TMEM232: variants seen among roughly 807,000 people sequenced by gnomAD.
The protein encoded by TMEM232 is transmembrane protein 232.
A neutral mutation model predicts 78.8 loss-of-function variants in TMEM232; 80 were observed. The ratio of observed to expected loss-of-function variants is 1.01; its 90% CI spans 0.85 to 1.22. The LOEUF is 1.22. Ranked by LOEUF, TMEM232 falls within the 50% of genes most tolerant of loss-of-function variation. The probability of loss-of-function intolerance (pLI) is 0.00; values close to 1 mark genes in which losing one functional copy is unlikely to be tolerated. For missense variants in TMEM232, 881 were observed against 742.2 expected, an observed-to-expected ratio of 1.19 and a Z score of -2.17; for synonymous variants, 297 against 254.3, an observed-to-expected ratio of 1.17 and a Z score of -1.60.
intron 1 of TMEM232, among the ~76,000 whole-genome samples, chr5:110,736,704 G>C (rs1580838855): frequency 6.6e-6 from 1 of 151,872 alleles, no homozygotes; most frequent in African/African-American, 2.4e-5. Flanking sequence ...TCCCCATACA[G>C]AGCCAGGTGG....
intron 12 of TMEM232, among the ~76,000 whole-genome samples, chr5:110,496,628 G>A (rs1403791490): frequency 6.6e-6 from 1 of 151,814 alleles, no homozygotes; most frequent in Non-Finnish European, 1.5e-5. Context: ...GGACACATGC[G>A]GTTCTTTCAT....
At chr5:110,509,728 T>C (rs1333410925) in intron 12 of TMEM232, among the ~76,000 whole-genome samples, 1 of 152,132 alleles carries the variant, frequency 6.6e-6, no homozygotes, top group Non-Finnish European at 1.5e-5. Context: ...AGAAATATCG[T>C]ACACACATAT....
intron 1 of TMEM232, among the ~76,000 whole-genome samples, chr5:110,716,478 T>C (rs1301977337): frequency 6.6e-6 from 1 of 152,124 alleles, no homozygotes; most frequent in African/African-American, 2.4e-5. Flanking sequence ...CAGTGACAGA[T>C]CATCAGTCAT....
At chr5:110,490,121 AAAAGAAAGAAAGAAAGAAAGAAAGAAAG>A (rs201189138) in intron 12 of TMEM232, among the ~76,000 whole-genome samples, 5,821 of 110,514 alleles carry the variant, frequency 0.053, 200 homozygotes, top group African/African-American at 0.094. Flanking sequence ...CTCCGTTTCA[AAAAGAAAGAAAGAAAGAAAGAAAGAAAG>A]AAAGAAAGAA....
intron 5 of TMEM232, among the ~76,000 whole-genome samples, chr5:110,630,395 G>T (rs769564972): frequency 2.0e-5 from 3 of 152,172 alleles, no homozygotes; most frequent in Admixed American, 6.5e-5. Context: ...GACACAGAAG[G>T]TGATATGGTT....
rs1260488819 is a variant in TMEM232 at position 110,420,639 on chromosome 5, C to T, written c.1915G>A (p.Glu639Lys). The change falls in exon 14 of 14, where the codon GAG becomes AAG. Residue 639 changes from glutamate (E) to lysine (K), a missense_variant. Glu to Lys is a moderately conservative substitution (Grantham distance 56). Transcript: ENST00000455884. Reference sequence around the variant, plus strand: ...GGCTTGGTTTGCTTATGTAGTTTCTCTTCTCTTTTCTTCATAACTTCTTGA... The same window carrying T: ...GGCTTGGTTTGCTTATGTAGTTTCTTTTCTCTTTTCTTCATAACTTCTTGA... Reference protein sequence around the residue: ...HFQEVMKKREEKLHKQTKPYE... With the variant: ...HFQEVMKKREKKLHKQTKPYE... 3 of 1,523,620 alleles carry T rather than the reference C, an allele frequency of 2.0e-6. No individual in the cohort carries two copies. Among genetic ancestry groups the T allele is most frequent in the Non-Finnish European group, 8.7e-7 (1 of 1,143,188 alleles). The allele number at this position is 1,523,620 out of a possible 1,614,324, so 94.4% of individuals were successfully genotyped here. A position where few individuals can be genotyped will look rare whatever the true frequency, so the allele number is the denominator to read the frequency against.
At chr5:110,508,451 T>C (rs1043374103) in intron 12 of TMEM232, among the ~76,000 whole-genome samples, 3 of 151,392 alleles carry the variant, frequency 2.0e-5, no homozygotes, top group African/African-American at 7.3e-5. Flanking sequence ...ATATATATCT[T>C]GAGGGGTAAT....
upstream of TMEM232, chr5:110,738,175 T>C: frequency 2.7e-5 from 34 of 1,264,484 alleles, no homozygotes; most frequent in Non-Finnish European, 3.5e-5. Context: ...GAACATAGGA[T>C]GAAACCATGG....
At chr5:110,458,461 C>G (rs1580763413) in intron 12 of TMEM232, among the ~76,000 whole-genome samples, 1 of 152,126 alleles carries the variant, frequency 6.6e-6, no homozygotes, top group Non-Finnish European at 1.5e-5. Context: ...GGAGTGCAGC[C>G]TGACACAAGG....
chr5:110,614,652 A>G (rs1390088276), intron 8 of TMEM232, among the ~76,000 whole-genome samples: 2 of 152,066 alleles, frequency 1.3e-5, no homozygotes, highest in African/African-American at 4.8e-5. Flanking sequence ...TTATTAGAGT[A>G]CTTTTTAAAT....
chr5:110,662,800 T>A (rs1789974985), intron 2 of TMEM232, among the ~76,000 whole-genome samples: 1 of 152,144 alleles, frequency 6.6e-6, no homozygotes, highest in Non-Finnish European at 1.5e-5. Flanking sequence ...AAAATCAGAC[T>A]TGTGCTTAAT....
At chr5:110,594,763 G>A (rs1392742478) in intron 10 of TMEM232, among the ~76,000 whole-genome samples, 1 of 152,188 alleles carries the variant, frequency 6.6e-6, no homozygotes, top group African/African-American at 2.4e-5. Flanking sequence ...GGTAATCTCT[G>A]AAAGAAAGGC....
In TMEM232 at chr5:110,577,061, C is replaced by G. The variant is rs1777650711; in HGVS notation, c.1277-8436G>C. ...ATATAACTAAACTAAACGGCTACTG[C>G]ACAGCAAAAGAAACTATGAACAGAG... On this transcript the variant is annotated intron_variant, in intron 10 of 13. Coordinates refer to ENST00000455884, the MANE Select transcript of TMEM232 (RefSeq NM_001039763.4). 2.0e-5 allele frequency among the ~76,000 whole-genome samples: 3 copies of G among 151,974 alleles called. No homozygotes were observed. The South Asian group carries it at 6.2e-4, about 32-fold the overall frequency.
intron 1 of TMEM232, among the ~76,000 whole-genome samples, chr5:110,684,049 A>G (rs1419783227): frequency 6.6e-6 from 1 of 151,990 alleles, no homozygotes; most frequent in Non-Finnish European, 1.5e-5. Flanking sequence ...TTTCCAAGCT[A>G]AGAACAGTTC....
intron 1 of TMEM232, among the ~76,000 whole-genome samples, chr5:110,721,673 G>GTATATATATATATATATATATATATATC (rs10522202): frequency 2.8e-5 from 1 of 35,442 alleles, no homozygotes. Context: ...GTGTGTGTGT[G>GTATATATATATATATATATATATATATC]TATATATATA....
At chr5:110,504,265 A>G (rs1766609171) in intron 12 of TMEM232, among the ~76,000 whole-genome samples, 2 of 152,206 alleles carry the variant, frequency 1.3e-5, no homozygotes, top group African/African-American at 2.4e-5. Context: ...CAGGAAAAAC[A>G]TAAATATAGA....
chr5:110,556,122 G>GT (rs1323521003), intron 11 of TMEM232, among the ~76,000 whole-genome samples: 1 of 152,124 alleles, frequency 6.6e-6, no homozygotes, highest in Non-Finnish European at 1.5e-5. Flanking sequence ...CCCAGTAACA[G>GT]TCTTTCATTT....
At chr5:110,648,402 A>G (rs939376071) in intron 2 of TMEM232, among the ~76,000 whole-genome samples, 6 of 152,180 alleles carry the variant, frequency 3.9e-5, no homozygotes, top group African/African-American at 1.2e-4. Flanking sequence ...TCACAACTTT[A>G]TATATATCCA....
chr5:110,461,238 G>C (rs1463237588), intron 12 of TMEM232, among the ~76,000 whole-genome samples: 1 of 151,322 alleles, frequency 6.6e-6, no homozygotes, highest in Non-Finnish European at 1.5e-5. Flanking sequence ...TGCTACTCTA[G>C]TGAGCACATG....
Sources: allele counts gnomAD v4.1 joint callset (sites outside exome capture counted in the v4.1 genomes callset), GRCh38; gene constraint gnomAD v4.1.1; transcripts MANE v1.5; gene names NCBI Gene and HGNC (gene_info 2026-07-23, HGNC 2026-07-21).